Variants in TAFA1 observed in about 807,000 individuals in gnomAD.
TAFA1 encodes the protein chemokine-like protein TAFA-1.
TAFA1 carries 4 observed loss-of-function variants against 18.5 expected under a neutral mutation model. The observed-to-expected ratio is 0.22, with a 90% CI of 0.11 to 0.49. The LOEUF (loss-of-function observed/expected upper bound fraction) is 0.49. TAFA1 is among the 20% of genes least tolerant of loss of function. The pLI, the probability that TAFA1 is intolerant of heterozygous loss-of-function variation, is 0.98. For missense variants in TAFA1, 147 were observed against 169.0 expected, an observed-to-expected ratio of 0.87 and a Z score of 0.72; for synonymous variants, 56 against 55.2, an observed-to-expected ratio of 1.01 and a Z score of -0.06.
chr3:68,279,527 T>C (rs2067859859), intron 2 of TAFA1, among the ~76,000 whole-genome samples: 1 of 152,170 alleles, frequency 6.6e-6, no homozygotes, highest in African/African-American at 2.4e-5. Flanking sequence ...CTAGACCTGA[T>C]AATCTGGTGA....
chr3:68,346,972 C>G (rs1240382631), intron 2 of TAFA1, among the ~76,000 whole-genome samples: 1 of 152,142 alleles, frequency 6.6e-6, no homozygotes, highest in Non-Finnish European at 1.5e-5. Context: ...TATGAGGGAA[C>G]TAGTTCCATC....
At chr3:68,395,187 GA>G (rs369346411) in intron 2 of TAFA1, among the ~76,000 whole-genome samples, 14 of 150,814 alleles carry the variant, frequency 9.3e-5, no homozygotes, top group South Asian at 8.4e-4. Context: ...ACAAACATAT[GA>G]AAAAAAAACT....
At chr3:68,092,120 A>G (rs762501343) in intron 2 of TAFA1, among the ~76,000 whole-genome samples, 5 of 152,122 alleles carry the variant, frequency 3.3e-5, no homozygotes, top group Non-Finnish European at 7.3e-5. Flanking sequence ...CTCAGTCCCA[A>G]TGGCATCAGC....
At chr3:68,502,574 C>A (rs932973782) in intron 3 of TAFA1, among the ~76,000 whole-genome samples, 1 of 151,994 alleles carries the variant, frequency 6.6e-6, no homozygotes, top group Non-Finnish European at 1.5e-5. Flanking sequence ...TCAATACTAC[C>A]AATATAGCAG....
At chr3:68,192,137 CT>C (rs773664348) in intron 2 of TAFA1, among the ~76,000 whole-genome samples, 5 of 151,816 alleles carry the variant, frequency 3.3e-5, no homozygotes, top group Admixed American at 6.6e-5. Context: ...CAACTATTTA[CT>C]GAGTAACTAC....
intron 2 of TAFA1, among the ~76,000 whole-genome samples, chr3:68,278,284 C>A (rs1024980542): frequency 3.9e-5 from 6 of 152,018 alleles, no homozygotes; most frequent in Admixed American, 2.0e-4. Flanking sequence ...GGATTTATTT[C>A]CAAACTGTTT....
chr3:68,517,634 C>T (rs968685352), intron 3 of TAFA1, among the ~76,000 whole-genome samples: 2 of 152,130 alleles, frequency 1.3e-5, no homozygotes, highest in African/African-American at 4.8e-5. Flanking sequence ...CCCCTTAATC[C>T]TGTCAAACGA....
intron 2 of TAFA1, chr3:68,145,174 GA>G: frequency 1.2e-6 from 1 of 830,928 alleles, no homozygotes; most frequent in Non-Finnish European, 2.2e-6. Flanking sequence ...GATATCTTTG[GA>G]AAAGAATACC....
intron 2 of TAFA1, among the ~76,000 whole-genome samples, chr3:68,328,331 T>C (rs1304533314): frequency 6.6e-6 from 1 of 152,224 alleles, no homozygotes; most frequent in Non-Finnish European, 1.5e-5. Context: ...GGTAAGATGC[T>C]ATTTTTATTG....
intron 2 of TAFA1, among the ~76,000 whole-genome samples, chr3:68,408,112 A>G (rs2106769017): frequency 6.6e-6 from 1 of 152,294 alleles, no homozygotes; most frequent in Admixed American, 6.5e-5. Context: ...GTGACTCTGA[A>G]AAAAATTTGC....
At position 68,153,849 on chromosome 3, in the gene TAFA1, C is replaced by T. The variant is rs140900678; in HGVS notation, c.118+147105C>T. Among the ~76,000 whole-genome samples, 7 of 152,206 alleles carry T rather than the reference C, an allele frequency of 4.6e-5. No individual in the cohort carries two copies. In the East Asian group the frequency reaches 7.7e-4, roughly 17 times the overall value. On this transcript the variant is annotated intron_variant, in intron 2 of 4. Coordinates refer to ENST00000478136, the MANE Select transcript of TAFA1 (RefSeq NM_213609.4). ...TGCCTACGTGTTGCTTAGATTGCTGCGTGAAAAGTTCAGTTTTTATAATAA... is the reference window on the plus strand; with the variant it reads ...TGCCTACGTGTTGCTTAGATTGCTGTGTGAAAAGTTCAGTTTTTATAATAA...
chr3:68,416,359 C>A (rs758555547), intron 2 of TAFA1, among the ~76,000 whole-genome samples: 1 of 152,270 alleles, frequency 6.6e-6, no homozygotes, highest in East Asian at 1.9e-4. Flanking sequence ...ATAGAGGTTG[C>A]TTAACAAATG....
chr3:68,205,108 A>C (rs1035351107), intron 2 of TAFA1, among the ~76,000 whole-genome samples: 2 of 151,856 alleles, frequency 1.3e-5, no homozygotes, highest in African/African-American at 4.8e-5. Flanking sequence ...ATAGCACTGC[A>C]CCACAAGGAT....
At chr3:68,415,245 A>G (rs2070807294) in intron 2 of TAFA1, among the ~76,000 whole-genome samples, 1 of 152,146 alleles carries the variant, frequency 6.6e-6, no homozygotes, top group South Asian at 2.1e-4. Flanking sequence ...CTAGAGAAAT[A>G]CCTGTACCAC....
At chr3:68,439,684 G>A (rs1225104762) in intron 3 of TAFA1, among the ~76,000 whole-genome samples, 2 of 151,744 alleles carry the variant, frequency 1.3e-5, no homozygotes, top group Non-Finnish European at 2.9e-5. Flanking sequence ...ATTACATTGT[G>A]AATGCCCAGA....
chr3:68,269,475 A>C lies in TAFA1; in HGVS notation c.119-147805A>C, dbSNP rs181974194. On this transcript the variant is annotated intron_variant, in intron 2 of 4. Coordinates refer to ENST00000478136, the MANE Select transcript of TAFA1 (RefSeq NM_213609.4). Reference sequence around the variant, plus strand: ...AGTGTGAGACCCAATTCTAAAAAATAAAAAATACAAATTCTGATTCAGTAG... The same window carrying C: ...AGTGTGAGACCCAATTCTAAAAAATCAAAAATACAAATTCTGATTCAGTAG... 2.0e-5 allele frequency among the ~76,000 whole-genome samples: 3 copies of C among 152,298 alleles called. No individual in the cohort carries two copies. In the East Asian group the frequency reaches 5.8e-4, roughly 29 times the overall value.
At chr3:68,236,362 G>T (rs1275512372) in intron 2 of TAFA1, among the ~76,000 whole-genome samples, 1 of 152,188 alleles carries the variant, frequency 6.6e-6, no homozygotes, top group Non-Finnish European at 1.5e-5. Flanking sequence ...ACAAGCCAGT[G>T]CATTCAAAAT....
intron 2 of TAFA1, among the ~76,000 whole-genome samples, chr3:68,411,101 A>T (rs183349554): frequency 4.6e-5 from 7 of 152,324 alleles, no homozygotes; most frequent in Admixed American, 1.3e-4. Context: ...GGGACAATAG[A>T]TAAGTAAAAC....
At chr3:68,425,123 C>T (rs2071026585) in intron 3 of TAFA1, among the ~76,000 whole-genome samples, 1 of 151,920 alleles carries the variant, frequency 6.6e-6, no homozygotes. Flanking sequence ...AGAGAGCTTC[C>T]AGAGCAAGCC....
Sources: allele counts gnomAD v4.1 joint callset (sites outside exome capture counted in the v4.1 genomes callset), GRCh38; gene constraint gnomAD v4.1.1; transcripts MANE v1.5; gene names NCBI Gene and HGNC (gene_info 2026-07-23, HGNC 2026-07-21).